The following PHACTR3 variants were observed in gnomAD, a reference collection of about 807,000 sequenced individuals.
The protein encoded by PHACTR3 is phosphatase and actin regulator 3, also known as protein phosphatase 1, regulatory subunit 123.
PHACTR3 carries 16 observed loss-of-function variants against 66.8 expected under a neutral mutation model. The observed-to-expected ratio is 0.24, with a 90% confidence interval of 0.16 to 0.36. The LOEUF (loss-of-function observed/expected upper bound fraction) is 0.36. Ranked by LOEUF, PHACTR3 falls within the 10% of genes least tolerant of loss-of-function variation. PHACTR3 has a pLI of 1.00. For synonymous variants in PHACTR3, 323 were observed against 292.1 expected (o/e 1.11, Z -1.08); for missense variants, 647 against 719.9 (o/e 0.90, Z 1.16).
In PHACTR3 at chr20:59,735,482, G is replaced by A. The variant is rs1344702060; in HGVS notation, c.119-7625G>A. Among the ~76,000 whole-genome samples the A allele has an allele frequency of 3.9e-5, 6 of 152,224 alleles. No homozygotes were observed. In the South Asian group the frequency reaches 1.2e-3, roughly 32 times the overall value. On this transcript the variant is annotated intron_variant, in intron 1 of 12. Coordinates refer to ENST00000371015, the MANE Select transcript of PHACTR3 (RefSeq NM_080672.5). ...GACCTCACTCCCCCAGAGATATGGGGCTTTCCTTCCAATATGTTTTTGGGG... is the reference window on the plus strand; with the variant it reads ...GACCTCACTCCCCCAGAGATATGGGACTTTCCTTCCAATATGTTTTTGGGG...
At chr20:59,595,135 T>G (rs1263517439) in intron 1 of PHACTR3, among the ~76,000 whole-genome samples, 1 of 152,230 alleles carries the variant, frequency 6.6e-6, no homozygotes, top group Non-Finnish European at 1.5e-5. Context: ...AATTTCACTG[T>G]GGCCTGAGAG....
rs748479891 is a variant in PHACTR3 at position 59,830,928 on chromosome 20, G to A, written c.1329-5577G>A. Among the ~76,000 whole-genome samples the A allele has an allele frequency of 3.3e-5, 5 of 152,214 alleles. No individual in the cohort carries two copies. Among genetic ancestry groups the A allele is most frequent in the Middle Eastern group, 3.4e-3 (1 of 294 alleles). ...CCTCCACAGACCTGGAAATGTGGGT[G>A]GCACAGTGGCATCATGACTCCTGGA... On this transcript the variant is annotated intron_variant, in intron 8 of 12. Coordinates refer to ENST00000371015, the MANE Select transcript of PHACTR3 (RefSeq NM_080672.5). This position sits in a 1 kb window ranked among gnomAD's most constrained non-coding sequence, Gnocchi z 5.8.
intron 7 of PHACTR3, among the ~76,000 whole-genome samples, chr20:59,786,522 G>T (rs1189812687): frequency 6.6e-6 from 1 of 152,240 alleles, no homozygotes; most frequent in African/African-American, 2.4e-5. Flanking sequence ...ACCTGGTGGA[G>T]CCATCCTGAA....
At chr20:59,633,415 A>G (rs1357655697) in intron 1 of PHACTR3, among the ~76,000 whole-genome samples, 1 of 152,150 alleles carries the variant, frequency 6.6e-6, no homozygotes, top group Non-Finnish European at 1.5e-5. Flanking sequence ...AAAACCAAAT[A>G]CCACATGCTC....
intron 1 of PHACTR3, among the ~76,000 whole-genome samples, chr20:59,676,316 C>T (rs1379879595): frequency 6.6e-6 from 1 of 152,218 alleles, no homozygotes; most frequent in Non-Finnish European, 1.5e-5. Context: ...CCAGCCTAGG[C>T]AGTGTCCTGG....
intron 1 of PHACTR3, among the ~76,000 whole-genome samples, chr20:59,726,416 C>A (rs2038562405): frequency 6.6e-6 from 1 of 152,170 alleles, no homozygotes; most frequent in Non-Finnish European, 1.5e-5. Context: ...CACTGCACCA[C>A]TTATTCCCCA....
chr20:59,733,927 G>T (rs2038854485), intron 1 of PHACTR3, among the ~76,000 whole-genome samples: 1 of 151,980 alleles, frequency 6.6e-6, no homozygotes, highest in Non-Finnish European at 1.5e-5. Context: ...TCTTCCATAT[G>T]TGTGAGTGCC....
chr20:59,806,402 G>A (rs1015392060), intron 8 of PHACTR3, among the ~76,000 whole-genome samples: 1 of 152,192 alleles, frequency 6.6e-6, no homozygotes, highest in African/African-American at 2.4e-5. Context: ...GATGTTTAGC[G>A]GCATTCTCGG....
At chr20:59,605,544 C>T (rs1011476246) in intron 1 of PHACTR3, among the ~76,000 whole-genome samples, 16 of 152,222 alleles carry the variant, frequency 1.1e-4, no homozygotes, top group African/African-American at 3.6e-4. Flanking sequence ...GGCATCTGCT[C>T]CTGGAAGGCA....
At position 59,682,208 on chromosome 20, in the gene PHACTR3, C is replaced by T. The variant is rs552633763; in HGVS notation, c.119-60899C>T. On this transcript the variant is annotated intron_variant, in intron 1 of 12. Transcript: ENST00000371015. The stretch of plus-strand genomic sequence containing the variant: ...TACAAAAATTAGCTGGGTGTGGTGG[C>T]GTGCACCTGTAGTCCCAGCTACTCG... Among the ~76,000 whole-genome samples, 200 of 152,010 alleles carry T rather than the reference C, an allele frequency of 1.3e-3. 1 individual carries two copies. Among genetic ancestry groups the T allele is most frequent in the African/African-American group, 3.6e-3 (151 of 41,476 alleles).
intron 1 of PHACTR3, among the ~76,000 whole-genome samples, chr20:59,615,397 G>A (rs2033992424): frequency 6.6e-6 from 1 of 152,216 alleles, no homozygotes; most frequent in East Asian, 1.9e-4. Context: ...TGGTGTGAGG[G>A]TATGCAAAGG....
intron 8 of PHACTR3, among the ~76,000 whole-genome samples, chr20:59,825,357 C>A (rs1365705614): frequency 6.6e-6 from 1 of 152,218 alleles, no homozygotes; most frequent in African/African-American, 2.4e-5. Flanking sequence ...CTTGATGTCC[C>A]ATTCATGTAT....
At chr20:59,596,847 A>T (rs958122752) in intron 1 of PHACTR3, among the ~76,000 whole-genome samples, 1 of 152,228 alleles carries the variant, frequency 6.6e-6, no homozygotes, top group African/African-American at 2.4e-5. Context: ...TGCAGGCACC[A>T]GTGAAAGGCC....
intron 1 of PHACTR3, among the ~76,000 whole-genome samples, chr20:59,706,456 A>G (rs2037703301): frequency 6.6e-6 from 1 of 152,160 alleles, no homozygotes; most frequent in Admixed American, 6.5e-5. Context: ...GGGAATGGGG[A>G]CACATGGCAC....
At chr20:59,691,218 C>G (rs1568716476) in intron 1 of PHACTR3, among the ~76,000 whole-genome samples, 1 of 152,180 alleles carries the variant, frequency 6.6e-6, no homozygotes, top group African/African-American at 2.4e-5. Flanking sequence ...TGGCGGAGAC[C>G]TTGGCTCTCC....
chr20:59,649,972 G>A (rs981526786), intron 1 of PHACTR3, among the ~76,000 whole-genome samples: 1 of 152,090 alleles, frequency 6.6e-6, no homozygotes, highest in Non-Finnish European at 1.5e-5. Context: ...GGGATTTGCT[G>A]GAAGAATTTC....
At position 59,738,235 on chromosome 20, in the gene PHACTR3, G is replaced by C. The variant is rs920994995; in HGVS notation, c.119-4872G>C. On this transcript the variant is annotated intron_variant, in intron 1 of 12. Transcript: ENST00000371015. The surrounding 1 kb of genome is among the most constrained non-coding windows in gnomAD (Gnocchi z 4.4). ...AGTGGCAGGGCCAGGAGGGGAGCCT[G>C]GGGTGCCTGGTCCCAGCCCCCATGT... Among the ~76,000 whole-genome samples the C allele has an allele frequency of 6.6e-6, 1 of 152,098 alleles. No individual in the cohort carries two copies. Among genetic ancestry groups the C allele is most frequent in the Non-Finnish European group, 1.5e-5 (1 of 68,018 alleles).
At chr20:59,677,815 C>T (rs1477587974) in intron 1 of PHACTR3, among the ~76,000 whole-genome samples, 1 of 152,030 alleles carries the variant, frequency 6.6e-6, no homozygotes, top group Non-Finnish European at 1.5e-5. Flanking sequence ...CATACACAAT[C>T]GAAGAATAAC....
intron 1 of PHACTR3, among the ~76,000 whole-genome samples, chr20:59,625,443 C>T (rs6100530): frequency 6.6e-6 from 1 of 152,106 alleles, no homozygotes; most frequent in Non-Finnish European, 1.5e-5. Flanking sequence ...CTTTCAGAAA[C>T]TGGAAGATCC....
Sources: gnomAD v4.1 joint callset for allele counts (sites outside exome capture counted in the v4.1 genomes callset) on GRCh38, gnomAD v4.1.1 for gene constraint, Gnocchi (gnomAD v3.1) non-coding constraint, MANE v1.5 for transcripts, NCBI Gene and HGNC (gene_info 2026-07-23, HGNC 2026-07-21) for gene names.